The following ARFGEF1 variants were observed in gnomAD, a reference collection of about 807,000 sequenced individuals.
ARFGEF1 encodes the protein ARF guanine nucleotide exchange factor 1.
Under a neutral mutation model 231.0 loss-of-function variants are expected in ARFGEF1, and 42 were observed. The ratio of observed to expected loss-of-function variants is 0.18; its 90% CI spans 0.14 to 0.24. The LOEUF is 0.24. Among genes scored for constraint, ARFGEF1 ranks in the 10% least tolerant of loss-of-function variants. The pLI is 1.00. For synonymous variants in ARFGEF1, 710 were observed against 732.3 expected, an observed-to-expected ratio of 0.97 and a Z score of 0.49; for missense variants, 1,345 against 2,192.0, an observed-to-expected ratio of 0.61 and a Z score of 7.72.
At chr8:67,246,121 A>G (rs1214804020) in intron 19 of ARFGEF1, among the ~76,000 whole-genome samples, 1 of 150,196 alleles carries the variant, frequency 6.7e-6, no homozygotes, top group African/African-American at 2.5e-5. Context: ...TATAAAGCAA[A>G]TATTATTAGA....
intron 1 of ARFGEF1, among the ~76,000 whole-genome samples, chr8:67,319,845 T>TA (rs758640403): frequency 6.6e-6 from 1 of 152,050 alleles, no homozygotes; most frequent in African/African-American, 2.4e-5. Context: ...AACTCAACAG[T>TA]AAAAAAACAA....
chr8:67,201,726 G>A (rs1355537059), intron 36 of ARFGEF1, 121 bp from the exon 37 acceptor site: 36 of 1,322,004 alleles, frequency 2.7e-5, no homozygotes, highest in Non-Finnish European at 3.7e-5. Context: ...CTTACAAAAC[G>A]GAGCCACAGC....
intron 14 of ARFGEF1, among the ~76,000 whole-genome samples, chr8:67,261,648 C>T (rs749305324): frequency 6.6e-6 from 1 of 152,138 alleles, no homozygotes; most frequent in Non-Finnish European, 1.5e-5. Context: ...ACACAATATC[C>T]ATTCTGCAGC....
chr8:67,280,000 AAT>A (rs1023315491), intron 7 of ARFGEF1, among the ~76,000 whole-genome samples: 1 of 152,218 alleles, frequency 6.6e-6, no homozygotes, highest in Non-Finnish European at 1.5e-5. Flanking sequence ...ACAAAAAAAA[AAT>A]AAACAAGAGA....
intron 1 of ARFGEF1, among the ~76,000 whole-genome samples, chr8:67,311,582 C>T (rs1033809228): frequency 6.7e-6 from 1 of 148,426 alleles, no homozygotes; most frequent in African/African-American, 2.5e-5. Flanking sequence ...CAGCCCCCCG[C>T]CTGGCCAGCC....
downstream of ARFGEF1, chr8:67,193,386 C>A: frequency 7.6e-7 from 1 of 1,324,420 alleles, no homozygotes. Flanking sequence ...TGATAGGCAC[C>A]ATGCCTGGCC....
At chr8:67,272,806 A>G (rs557072442) in intron 9 of ARFGEF1, among the ~76,000 whole-genome samples, 1 of 152,168 alleles carries the variant, frequency 6.6e-6, no homozygotes, top group South Asian at 2.1e-4. Flanking sequence ...AGAGGTATTC[A>G]GAACAATTAA....
chr8:67,307,654 CTG>C (rs1485088867), intron 1 of ARFGEF1, among the ~76,000 whole-genome samples: 1 of 152,114 alleles, frequency 6.6e-6, no homozygotes, highest in Non-Finnish European at 1.5e-5. Context: ...TTTTAAGTAA[CTG>C]TGGGATATTC....
intron 1 of ARFGEF1, among the ~76,000 whole-genome samples, chr8:67,310,565 G>A (rs1159163993): frequency 6.6e-6 from 1 of 151,888 alleles, no homozygotes; most frequent in African/African-American, 2.4e-5. Flanking sequence ...CCCATCGTCT[G>A]GGATGTGAGG....
At chr8:67,287,622 T>C (rs1448013460) in intron 7 of ARFGEF1, among the ~76,000 whole-genome samples, 1 of 152,208 alleles carries the variant, frequency 6.6e-6, no homozygotes, top group African/African-American at 2.4e-5. Context: ...ATATACATTA[T>C]ATCACTTATC....
intron 5 of ARFGEF1, among the ~76,000 whole-genome samples, chr8:67,181,134 C>T (rs1369862950): frequency 2.6e-5 from 4 of 151,842 alleles, no homozygotes; most frequent in Non-Finnish European, 4.4e-5. Flanking sequence ...AATTCCTGGA[C>T]TCAAGTGCTC....
At chr8:67,338,350 GTGTCCCAAAGTAAGTTCCA>G (rs1290722205) in intron 1 of ARFGEF1, among the ~76,000 whole-genome samples, 2 of 151,998 alleles carry the variant, frequency 1.3e-5, no homozygotes, top group African/African-American at 2.4e-5. Context: ...TCTTTCCCCA[GTGTCCCAAAGTAAGTTCCA>G]AGGAACAACA....
intron 1 of ARFGEF1, among the ~76,000 whole-genome samples, chr8:67,327,279 A>C (rs1807876533): frequency 6.6e-6 from 1 of 151,628 alleles, no homozygotes; most frequent in Non-Finnish European, 1.5e-5. Context: ...GCATTTGTAG[A>C]AGTTCTTCAG....
chr8:67,180,071 C>T, intron 5 of ARFGEF1: 1 of 518,340 alleles, frequency 1.9e-6, no homozygotes, highest in Non-Finnish European at 3.3e-6. Context: ...TCAGATATGC[C>T]TTGGAAAGTT....
chr8:67,292,056 A>C lies in ARFGEF1; in HGVS notation c.707T>G (p.Val236Gly). Reference sequence around the variant, plus strand: ...AGGTGATTCAGGCTCGTGATGGCTTACTGGAGACTGTAACAGATGATGATG... The same window carrying C: ...AGGTGATTCAGGCTCGTGATGGCTTCCTGGAGACTGTAACAGATGATGATG... ...RQHHHLLQSP[V>G]SHHEPESPQL... The change falls in exon 6 of 39, where the codon GTA (valine) becomes GGA (glycine). Residue 236 changes from valine (V) to glycine (G), a missense_variant. By Grantham distance (109) the Val-to-Gly change is moderately radical. Transcript: ENST00000262215. 1.2e-6 allele frequency: 2 copies of C among 1,613,988 alleles called. No homozygotes were observed. Among genetic ancestry groups the C allele is most frequent in the Non-Finnish European group, 1.7e-6 (2 of 1,179,872 alleles).
chr8:67,221,442 CTA>C (rs1839153957), intron 29 of ARFGEF1, among the ~76,000 whole-genome samples: 1 of 151,500 alleles, frequency 6.6e-6, no homozygotes, highest in Non-Finnish European at 1.5e-5. Flanking sequence ...ATGTGTGTGT[CTA>C]TGTCTTAGTT....
downstream of ARFGEF1, chr8:67,174,295 T>C (rs777840830): frequency 6.6e-6 from 1 of 152,172 alleles, no homozygotes; most frequent in African/African-American, 2.4e-5. Context: ...CACTATTTTG[T>C]TCTTTTGATA....
chr8:67,222,534 T>C (rs1196769419), intron 29 of ARFGEF1, among the ~76,000 whole-genome samples: 1 of 152,092 alleles, frequency 6.6e-6, no homozygotes, highest in Non-Finnish European at 1.5e-5. Context: ...CACTGCAACC[T>C]CTACCTCCCA....
downstream of ARFGEF1, chr8:67,195,427 T>C (rs1316091532): frequency 1.9e-6 from 3 of 1,614,024 alleles, no homozygotes; most frequent in African/African-American, 1.3e-5. Context: ...ATGAAACACA[T>C]AGGGGATGAC....
Sources: gnomAD v4.1 joint callset for allele counts (sites outside exome capture counted in the v4.1 genomes callset) on GRCh38, gnomAD v4.1.1 for gene constraint, MANE v1.5 for transcripts, NCBI Gene and HGNC (gene_info 2026-07-23, HGNC 2026-07-21) for gene names.